Variants in DYNC2LI1 observed in about 807,000 individuals in gnomAD.
DYNC2LI1 encodes the protein cytoplasmic dynein 2 light intermediate chain 1.
In DYNC2LI1, 45 loss-of-function variants were observed where a neutral mutation model predicts 51.9. The ratio of observed to expected loss-of-function variants is 0.87; its 90% CI spans 0.68 to 1.11. DYNC2LI1 has a LOEUF of 1.11. DYNC2LI1 is among the 50% of genes most tolerant of loss of function. The pLI is 0.00. For synonymous variants in DYNC2LI1, 130 were observed against 137.8 expected, an observed-to-expected ratio of 0.94 and a Z score of 0.40; for missense variants, 490 against 417.4, an observed-to-expected ratio of 1.17 and a Z score of -1.51.
the DYNC2LI1 span, chr2:43,823,960 A>T: frequency 3.7e-6 from 6 of 1,614,094 alleles, no homozygotes; most frequent in South Asian, 1.1e-5. Context: ...GGCGCCCACA[A>T]ACTGGTAAAG....
chr2:43,804,589 G>A, intron 10 of DYNC2LI1, 53 bp from the exon 11 acceptor site: 1 of 1,146,508 alleles, frequency 8.7e-7, no homozygotes, highest in Non-Finnish European at 1.3e-6. Flanking sequence ...TATTGGTGGA[G>A]TTTGTAATAT....
chr2:43,809,711 G>A lies in DYNC2LI1; in HGVS notation c.1000G>A (p.Glu334Lys). 6.2e-7 allele frequency: 1 copy of A among 1,610,588 alleles called. No individual in the cohort carries two copies. Among genetic ancestry groups the A allele is most frequent in the Non-Finnish European group, 8.5e-7 (1 of 1,178,418 alleles). ...EMRIQKDLEL[E>K]QYKRSSSKSW... ...ATACATATTTTTGTTTTAGGAACTG[G>A]AACAGTACAAAAGAAGTTCTTCCAA... Residue 334 changes from glutamate (E) to lysine (K), a missense_variant, in exon 13 of 13, where the codon GAA becomes AAA. Transcript: ENST00000260605.
chr2:43,791,694 T>C (rs1353157408), intron 5 of DYNC2LI1, among the ~76,000 whole-genome samples: 1 of 152,260 alleles, frequency 6.6e-6, no homozygotes, highest in Non-Finnish European at 1.5e-5. Flanking sequence ...AATTTCCTTG[T>C]GTTGGATGAA....
chr2:43,818,858 G>A, the DYNC2LI1 span, among the ~76,000 whole-genome samples: 2 of 152,030 alleles, frequency 1.3e-5, no homozygotes, highest in South Asian at 2.1e-4. Flanking sequence ...GAGGCAGGTG[G>A]GGCTGAAATA....
At chr2:43,797,937 G>A (rs1314634884) in intron 8 of DYNC2LI1, among the ~76,000 whole-genome samples, 2 of 152,054 alleles carry the variant, frequency 1.3e-5, no homozygotes, top group Non-Finnish European at 2.9e-5. Context: ...ACCAGCCTGG[G>A]CAACATGGTG....
At chr2:43,786,149 G>A (rs1558672004) in intron 3 of DYNC2LI1, among the ~76,000 whole-genome samples, 1 of 152,274 alleles carries the variant, frequency 6.6e-6, no homozygotes, top group Non-Finnish European at 1.5e-5. Context: ...CCATGTTTGG[G>A]CTGTGATTTA....
intron 12 of DYNC2LI1, chr2:43,805,492 GT>G (rs1275277701): frequency 4.3e-6 from 1 of 232,906 alleles, no homozygotes; most frequent in Non-Finnish European, 8.2e-6. Context: ...ACATGACTTA[GT>G]GTTCACATAA....
chr2:43,795,613 A>C (rs191945217), intron 6 of DYNC2LI1, among the ~76,000 whole-genome samples: 17 of 152,320 alleles, frequency 1.1e-4, no homozygotes, highest in Admixed American at 6.5e-4. Flanking sequence ...ATAAAAAAAA[A>C]CCAGGAAGGT....
At chr2:43,791,716 T>A (rs1673794373) in intron 5 of DYNC2LI1, among the ~76,000 whole-genome samples, 1 of 152,228 alleles carries the variant, frequency 6.6e-6, no homozygotes, top group Admixed American at 6.5e-5. Context: ...TCTCACAACT[T>A]GAGAAAACAA....
At chr2:43,807,817 C>T (rs373080624) in intron 12 of DYNC2LI1, among the ~76,000 whole-genome samples, 1 of 144,606 alleles carries the variant, frequency 6.9e-6, no homozygotes, top group Non-Finnish European at 1.5e-5. Context: ...TGGCCAACCA[C>T]AGTTATCTTC....
chr2:43,778,519 A>T (rs768952252), intron 2 of DYNC2LI1, among the ~76,000 whole-genome samples: 8 of 152,190 alleles, frequency 5.3e-5, no homozygotes, highest in Non-Finnish European at 1.0e-4. Context: ...AGTACTTAAC[A>T]GTTTCCTACA....
the DYNC2LI1 span, among the ~76,000 whole-genome samples, chr2:43,820,308 T>C: frequency 2.6e-5 from 4 of 152,198 alleles, no homozygotes; most frequent in African/African-American, 9.6e-5. Context: ...CTGCAACTCA[T>C]TGGGAGCCAC....
chr2:43,796,793 A>G lies in DYNC2LI1; in HGVS notation c.652A>G (p.Met218Val), dbSNP rs1292397984. The part of the protein sequence containing the change: ...FVAHYYGASL[M>V]FTSKSEALLL... Reference sequence around the variant, plus strand: ...TGCACATTATTATGGAGCATCATTAATGGTTTGTACATTTCTTGTCCTTTG... The same window carrying G: ...TGCACATTATTATGGAGCATCATTAGTGGTTTGTACATTTCTTGTCCTTTG... Residue 218 changes from methionine to valine, a missense_variant and splice_region_variant, in exon 8 of 13, where the codon ATG becomes GTG. By Grantham distance (21) the Met-to-Val change is conservative. Coordinates refer to ENST00000260605, the MANE Select transcript of DYNC2LI1 (RefSeq NM_016008.4). The G allele has an allele frequency of 1.2e-6, 2 of 1,613,102 alleles. No individual in the cohort carries two copies. Among genetic ancestry groups the G allele is most frequent in the African/African-American group, 2.7e-5 (2 of 74,926 alleles).
At chr2:43,802,140 A>G (rs1455928078) in intron 10 of DYNC2LI1, among the ~76,000 whole-genome samples, 1 of 152,138 alleles carries the variant, frequency 6.6e-6, no homozygotes, top group Non-Finnish European at 1.5e-5. Flanking sequence ...AGTTGTAACA[A>G]TTAGGTATGA....
chr2:43,813,001 A>C (rs1451153672), downstream of DYNC2LI1: 27 of 711,892 alleles, frequency 3.8e-5, no homozygotes, highest in Non-Finnish European at 2.6e-6. Context: ...CTTAATGGTT[A>C]AAAGACTTGA....
intron 9 of DYNC2LI1, chr2:43,801,232 A>C (rs1666069497): frequency 6.4e-6 from 1 of 156,058 alleles, no homozygotes; most frequent in South Asian, 2.1e-4. Context: ...ATGTTACATA[A>C]CATTTAGTTT....
chr2:43,806,816 C>T (rs1215509871), intron 12 of DYNC2LI1, among the ~76,000 whole-genome samples: 1 of 152,174 alleles, frequency 6.6e-6, no homozygotes, highest in African/African-American at 2.4e-5. Flanking sequence ...GGCAGCCCCA[C>T]AGTACCCATA....
the DYNC2LI1 span, among the ~76,000 whole-genome samples, chr2:43,818,902 T>G: frequency 1.3e-5 from 2 of 152,164 alleles, no homozygotes; most frequent in Non-Finnish European, 2.9e-5. Flanking sequence ...GAAACTAATT[T>G]AGATAGAAAA....
At chr2:43,807,381 C>T (rs1666300731) in intron 12 of DYNC2LI1, among the ~76,000 whole-genome samples, 1 of 152,112 alleles carries the variant, frequency 6.6e-6, no homozygotes, top group African/African-American at 2.4e-5. Context: ...TAGAGCATTC[C>T]CGATTTTAAG....
Sources: gnomAD v4.1 joint callset for allele counts (sites outside exome capture counted in the v4.1 genomes callset) on GRCh38, gnomAD v4.1.1 for gene constraint, MANE v1.5 for transcripts, NCBI Gene and HGNC (gene_info 2026-07-23, HGNC 2026-07-21) for gene names.